ALDOA: variants seen among roughly 807,000 people sequenced by gnomAD.
ALDOA encodes fructose-bisphosphate aldolase A.
A neutral mutation model predicts 43.9 loss-of-function variants in ALDOA; 26 were observed. The observed-to-expected ratio is 0.59, with a 90% CI of 0.43 to 0.82. The LOEUF is 0.82. Ranked by LOEUF, ALDOA falls within the 40% of genes least tolerant of loss-of-function variation. The pLI is 0.00. For synonymous variants in ALDOA, 258 were observed against 222.6 expected (o/e 1.16, Z -1.42); for missense variants, 498 against 549.5 (o/e 0.91, Z 0.94).
At chr16:30,069,437 C>T (rs1254990426) in intron 7 of ALDOA, 48 bp downstream of exon 7, 25 of 1,613,846 alleles carry the variant, frequency 1.5e-5, no homozygotes, top group Non-Finnish European at 2.0e-5. Context: ...GCCGGGGACC[C>T]TGGGGCTAAC....
intron 6 of ALDOA, 125 bp downstream of exon 6, chr16:30,069,103 A>G: frequency 6.7e-7 from 1 of 1,486,060 alleles, no homozygotes; most frequent in Non-Finnish European, 9.3e-7. Flanking sequence ...CCCGTGGAGG[A>G]CACTCAAGGG....
At chr16:30,068,415 G>A (rs2151017210) in intron 4 of ALDOA, 1 of 598,062 alleles carries the variant, frequency 1.7e-6, no homozygotes, top group African/African-American at 1.8e-5. Flanking sequence ...TGCCAGCCCT[G>A]AGATGCAGTT....
intron 2 of ALDOA, 51 bp from the exon 3 acceptor site, chr16:30,067,183 T>G (rs1021550064): frequency 6.2e-7 from 1 of 1,610,612 alleles, no homozygotes; most frequent in Non-Finnish European, 8.5e-7. Context: ...CATCGGGAGA[T>G]GATGGGAAAC....
chr16:30,068,634 T>G lies in ALDOA; in HGVS notation c.487-12T>G, dbSNP rs2072203781. On this transcript the variant is annotated splice_polypyrimidine_tract_variant and intron_variant, in intron 4 of 9. Transcript: ENST00000642816. ...TTCCTGTGTCTTAATGTTGTTACCC[T>G]GACCCCAACAGGTAGACAAGGGCGT... The G allele has an allele frequency of 6.2e-7, 1 of 1,614,128 alleles. No individual in the cohort carries two copies. The highest frequency in any genetic ancestry group is 1.3e-5 in the African/African-American group (1 of 75,032).
chr16:30,070,391 A>G lies in ALDOA; in HGVS notation c.*179A>G. 1 of 638,984 alleles carries G rather than the reference A, an allele frequency of 1.6e-6. No homozygotes were observed. Among genetic ancestry groups the G allele is most frequent in the Admixed American group, 2.5e-5 (1 of 40,754 alleles). The allele number at this position is 638,984 out of a possible 1,614,324, so 39.6% of individuals were successfully genotyped here. ...CCATCACCCTTTCCGGCACACTGCC[A>G]AATAAACAGCTATTTAAGGGGGAGT... On this transcript the variant is annotated 3_prime_UTR_variant, in exon 10 of 10. Coordinates refer to ENST00000642816, the MANE Select transcript of ALDOA (RefSeq NM_001243177.4).
rs781001864 is a variant in ALDOA at position 30,070,103 on chromosome 16, C to A, written c.1162-14C>A. 9 of 1,613,820 alleles carry A rather than the reference C, an allele frequency of 5.6e-6. No individual in the cohort carries two copies. Among genetic ancestry groups the A allele is most frequent in the East Asian group, 2.2e-5 (1 of 44,890 alleles). On this transcript the variant is annotated splice_polypyrimidine_tract_variant and intron_variant, in intron 9 of 9. Coordinates refer to ENST00000642816, the MANE Select transcript of ALDOA (RefSeq NM_001243177.4). Reference sequence around the variant, plus strand: ...GAGAAGAGCCCTTCTCACTCCACCCCTCTCCCTGCTTAGGCCAACAGCCTT... The same window carrying A: ...GAGAAGAGCCCTTCTCACTCCACCCATCTCCCTGCTTAGGCCAACAGCCTT...
At position 30,069,862 on chromosome 16, in the gene ALDOA, G is replaced by A. The variant is rs767214133; in HGVS notation, c.994G>A (p.Glu332Lys). 3 of 1,614,170 alleles carry A rather than the reference G, an allele frequency of 1.9e-6. No homozygotes were observed. The highest frequency in any genetic ancestry group is 2.5e-6 in the Non-Finnish European group (3 of 1,180,034). ...ITFLSGGQSE[E>K]EASINLNAIN... ...CTTCCTGTCTGGAGGCCAGAGTGAG[G>A]AGGAGGCGTCCATCAACCTCAATGC... Residue 332 changes from glutamate to lysine, a missense_variant, in exon 9 of 10, where the codon GAG becomes AAG. Coordinates refer to ENST00000642816, the MANE Select transcript of ALDOA (RefSeq NM_001243177.4).
chr16:30,067,758 A>G lies in ALDOA; in HGVS notation c.486+97A>G, dbSNP rs1045912665. The G allele has an allele frequency of 2.0e-5, 28 of 1,429,910 alleles. 1 individual carries two copies. The highest frequency in any genetic ancestry group is 4.5e-5 in the East Asian group (2 of 43,962). The allele number at this position is 1,429,910 out of a possible 1,614,324, so 88.6% of individuals were successfully genotyped here. On this transcript the variant is annotated intron_variant, in intron 4 of 9. Transcript: ENST00000642816. ...GGAATGAATGCTGGATTGGTGGCCT[A>G]GAGACTTGCATGGAGCCTGCTTCAG...
At chr16:30,069,110 A>G in intron 6 of ALDOA, 132 bp downstream of exon 6, 1 of 1,464,888 alleles carries the variant, frequency 6.8e-7, no homozygotes, top group Non-Finnish European at 9.4e-7. Flanking sequence ...AGGACACTCA[A>G]GGGCTGTTGA....
chr16:30,068,201 ACTACAGGCGCCCGCCACCACCCGG>A (rs1252075156), intron 4 of ALDOA: 1 of 317,286 alleles, frequency 3.2e-6, no homozygotes, highest in East Asian at 8.5e-5. Context: ...AGTAGCTGGG[ACTACAGGCGCCCGCCACCACCCGG>A]CTAATTTTTT....
intron 4 of ALDOA, 176 bp from the exon 5 acceptor site, chr16:30,068,470 G>T (rs1035305332): frequency 1.1e-5 from 8 of 721,944 alleles, no homozygotes; most frequent in Non-Finnish European, 2.0e-5. Context: ...CTAAAGAAGA[G>T]GAAAGAGGGG....
rs764289761 is a variant in ALDOA, at chr16:30,067,455, A to G, written c.280A>G (p.Ile94Val). Reference sequence around the variant, plus strand: ...TTCCCATGTGACACTCCCAGGGAGCATTGCCAAGCGGCTGCAGTCCATTGG... The same window carrying G: ...TTCCCATGTGACACTCCCAGGGAGCGTTGCCAAGCGGCTGCAGTCCATTGG... ...ILAADESTGS[I>V]AKRLQSIGTE... The change falls in exon 4 of 10, where the codon ATT (isoleucine) becomes GTT (valine). Residue 94 changes from isoleucine (I) to valine (V), a missense_variant. Ile to Val is a conservative substitution (Grantham distance 29). Transcript: ENST00000642816. The G allele has an allele frequency of 1.9e-6, 3 of 1,613,512 alleles. No individual in the cohort carries two copies. Among genetic ancestry groups the G allele is most frequent in the Admixed American group, 1.7e-5 (1 of 59,996 alleles).
At chr16:30,068,539 G>C in intron 4 of ALDOA, 107 bp from the exon 5 acceptor site, 1 of 1,275,204 alleles carries the variant, frequency 7.8e-7, no homozygotes, top group South Asian at 1.2e-5. Flanking sequence ...GGAAGTGGAG[G>C]CTTCAGTGAG....
chr16:30,069,385 A>C lies in ALDOA; in HGVS notation c.782A>C (p.Glu261Ala). The C allele has an allele frequency of 6.2e-7, 1 of 1,614,058 alleles. No homozygotes were observed. Among genetic ancestry groups the C allele is most frequent in the African/African-American group, 1.3e-5 (1 of 74,988 alleles). The change falls in exon 7 of 10, where the codon GAG becomes GCG. Residue 261 changes from glutamate to alanine, a missense_variant. Transcript: ENST00000642816. ...TTGAAGCGCTGCCAGTATGTGACCGAGAAGGTAAATGGCTACCTGCCTGAC... is the reference window on the plus strand; with the variant it reads ...TTGAAGCGCTGCCAGTATGTGACCGCGAAGGTAAATGGCTACCTGCCTGAC... ...HDLKRCQYVT[E>A]KVLAAVYKAL... is the part of the protein sequence containing the mutation.
chr16:30,067,937 A>G lies in ALDOA; in HGVS notation c.486+276A>G, dbSNP rs1027648897. On this transcript the variant is annotated intron_variant, in intron 4 of 9. Coordinates refer to ENST00000642816, the MANE Select transcript of ALDOA (RefSeq NM_001243177.4). ...CCCAGTCTGACACCCAATTCACTCA[A>G]CATTTCTGTTGTCAAATAACATCCC... The G allele has an allele frequency of 5.8e-6, 3 of 521,406 alleles. No individual in the cohort carries two copies. The South Asian group carries it at 6.3e-5, about 11-fold the overall frequency. The allele number at this position is 521,406 out of a possible 1,614,324, so 32.3% of individuals were successfully genotyped here. A position where few individuals can be genotyped will look rare whatever the true frequency, so the allele number is the denominator to read the frequency against.
In ALDOA at chr16:30,067,466, G is replaced by C. The variant is rs1328415965; in HGVS notation, c.291G>C (p.Arg97=). The C allele has an allele frequency of 6.2e-7, 1 of 1,613,282 alleles. No homozygotes were observed. The highest frequency in any genetic ancestry group is 1.7e-5 in the Admixed American group (1 of 60,008). The part of the protein sequence containing the change: ...ADESTGSIAK[R]LQSIGTENTE... ...CACTCCCAGGGAGCATTGCCAAGCG[G>C]CTGCAGTCCATTGGCACCGAGAACA... Residue 97 remains arginine (R), a synonymous_variant, in exon 4 of 10, where the codon CGG becomes CGC. Transcript: ENST00000642816.
chr16:30,065,114 C>T (rs374645018), upstream of ALDOA, among the ~76,000 whole-genome samples: 1 of 152,326 alleles, frequency 6.6e-6, no homozygotes, highest in African/African-American at 2.4e-5. Flanking sequence ...CGACCCAGCC[C>T]GGCCTGCCAG....
chr16:30,068,720 C>G lies in ALDOA; in HGVS notation c.541+20C>G. The G allele has an allele frequency of 6.2e-7, 1 of 1,614,248 alleles. No individual in the cohort carries two copies. Among genetic ancestry groups the G allele is most frequent in the Non-Finnish European group, 8.5e-7 (1 of 1,180,052 alleles). On this transcript the variant is annotated intron_variant, in intron 5 of 9. Coordinates refer to ENST00000642816, the MANE Select transcript of ALDOA (RefSeq NM_001243177.4). The stretch of plus-strand genomic sequence containing the variant: ...CCCAAGGTGAGAACTGTTTGATTCT[C>G]TGCCCTACGAACCCAACCAGAGCAG...
rs781198918 is a variant in ALDOA at position 30,069,664 on chromosome 16, G to A, written c.952G>A (p.Ala318Thr). ...VTALRRTVPP[A>T]VTGITFLSGG... is the part of the protein sequence containing the mutation. Reference sequence around the variant, plus strand: ...AGCGCTGCGCCGCACAGTGCCCCCCGCTGTCACTGGTGAGGCCCACACTCA... The same window carrying A: ...AGCGCTGCGCCGCACAGTGCCCCCCACTGTCACTGGTGAGGCCCACACTCA... The change falls in exon 8 of 10, where the codon GCT becomes ACT. Residue 318 changes from alanine (A) to threonine (T), a missense_variant. Physicochemically the swap from Ala to Thr is moderately conservative, Grantham distance 58. Transcript: ENST00000642816. 13 of 1,613,300 alleles carry A rather than the reference G, an allele frequency of 8.1e-6. No individual in the cohort carries two copies. Among genetic ancestry groups the A allele is most frequent in the East Asian group, 2.2e-5 (1 of 44,898 alleles).
Sources: gnomAD v4.1 joint callset for allele counts (sites outside exome capture counted in the v4.1 genomes callset) on GRCh38, gnomAD v4.1.1 for gene constraint, MANE v1.5 for transcripts, NCBI Gene and HGNC (gene_info 2026-07-23, HGNC 2026-07-21) for gene names.